The following TAMM41 variants were observed in gnomAD, a reference collection of about 807,000 sequenced individuals.
TAMM41 encodes phosphatidate cytidylyltransferase, mitochondrial.
Under a neutral mutation model 44.1 loss-of-function variants are expected in TAMM41, and 36 were observed. The ratio of observed to expected loss-of-function variants is 0.82; its 90% CI spans 0.63 to 1.08. The LOEUF is 1.08. Ranked by LOEUF, TAMM41 falls within the 50% of genes least tolerant of loss-of-function variation. The probability of loss-of-function intolerance (pLI) is 0.00; values close to 1 mark genes in which losing one functional copy is unlikely to be tolerated. For missense variants in TAMM41, 417 were observed against 404.3 expected (o/e 1.03, Z -0.27); for synonymous variants, 164 against 153.1 (o/e 1.07, Z -0.53).
intron 4 of TAMM41, among the ~76,000 whole-genome samples, chr3:11,817,857 A>G (rs17035309): frequency 0.017 from 2,665 of 152,364 alleles, 78 homozygotes; most frequent in African/African-American, 0.06. Flanking sequence ...GGAGGTTTGC[A>G]TTTAAGATGA....
chr3:11,806,468 G>C (rs189233629), intron 7 of TAMM41, among the ~76,000 whole-genome samples: 124 of 142,902 alleles, frequency 8.7e-4, no homozygotes, highest in African/African-American at 2.5e-3. Context: ...AGCAAGAAAA[G>C]AGAGAGTTCC....
At chr3:11,813,257 C>T (rs1279722537) in intron 5 of TAMM41, among the ~76,000 whole-genome samples, 2 of 152,122 alleles carry the variant, frequency 1.3e-5, no homozygotes, top group Non-Finnish European at 2.9e-5. Context: ...TGGCCAGGTG[C>T]AGTGGCTCAC....
intron 5 of TAMM41, among the ~76,000 whole-genome samples, chr3:11,814,501 C>T (rs561544723): frequency 1.1e-4 from 16 of 145,636 alleles, no homozygotes; most frequent in African/African-American, 3.8e-4. Flanking sequence ...AACGAAGAGA[C>T]GAGAGAGAGA....
chr3:11,760,343 C>T, the TAMM41 span, among the ~76,000 whole-genome samples: 3 of 152,206 alleles, frequency 2.0e-5, no homozygotes, highest in African/African-American at 4.8e-5. Context: ...TCCTCTTGAG[C>T]TCTCTTCAAG....
At chr3:11,774,872 T>G in the TAMM41 span, among the ~76,000 whole-genome samples, 1 of 149,258 alleles carries the variant, frequency 6.7e-6, no homozygotes. Context: ...TTGAAAGCAT[T>G]TTTTTTTTTT....
the TAMM41 span, among the ~76,000 whole-genome samples, chr3:11,761,960 A>G: frequency 6.6e-6 from 1 of 151,148 alleles, no homozygotes; most frequent in Non-Finnish European, 1.5e-5. Flanking sequence ...AAAAAAAAAA[A>G]AAAAAAGAAA....
At chr3:11,763,024 G>A in the TAMM41 span, among the ~76,000 whole-genome samples, 1 of 152,234 alleles carries the variant, frequency 6.6e-6, no homozygotes, top group Non-Finnish European at 1.5e-5. Context: ...GGCAACAAGA[G>A]TGAAACTCTG....
intron 4 of TAMM41, among the ~76,000 whole-genome samples, chr3:11,827,312 T>G (rs543628974): frequency 1.3e-5 from 2 of 149,532 alleles, no homozygotes; most frequent in Admixed American, 1.3e-4. Context: ...TTCTTTTCTT[T>G]TTTTTTTTTT....
chr3:11,749,236 G>T, the TAMM41 span, among the ~76,000 whole-genome samples: 1 of 151,896 alleles, frequency 6.6e-6, no homozygotes, highest in African/African-American at 2.4e-5. Context: ...TATTGCACTC[G>T]TGTTTACAGT....
chr3:11,742,579 C>A, the TAMM41 span, among the ~76,000 whole-genome samples: 2 of 149,326 alleles, frequency 1.3e-5, no homozygotes, highest in Admixed American at 6.6e-5. Context: ...GTGAACATGC[C>A]CATCGCTTGC....
At chr3:11,821,784 C>G (rs763432957) in intron 4 of TAMM41, among the ~76,000 whole-genome samples, 23 of 152,148 alleles carry the variant, frequency 1.5e-4, no homozygotes, top group African/African-American at 1.9e-4. Context: ...CAGTGAATAT[C>G]TGAGTGGCTA....
intron 1 of TAMM41, among the ~76,000 whole-genome samples, chr3:11,845,582 A>C (rs887163455): frequency 6.6e-6 from 1 of 152,218 alleles, no homozygotes; most frequent in Non-Finnish European, 1.5e-5. Context: ...TTCGGGAAAA[A>C]TAACTAGCCT....
intron 5 of TAMM41, among the ~76,000 whole-genome samples, chr3:11,815,878 C>T (rs1029542065): frequency 6.6e-6 from 1 of 152,168 alleles, no homozygotes; most frequent in Non-Finnish European, 1.5e-5. Flanking sequence ...CTCTGGTAAG[C>T]AGGGCTGAGA....
chr3:11,750,601 C>T, the TAMM41 span, among the ~76,000 whole-genome samples: 4 of 152,250 alleles, frequency 2.6e-5, no homozygotes, highest in East Asian at 5.8e-4. Context: ...TGAGCCACTG[C>T]GCCCAGCTTC....
At chr3:11,739,905 C>T in the TAMM41 span, among the ~76,000 whole-genome samples, 81 of 152,226 alleles carry the variant, frequency 5.3e-4, no homozygotes, top group African/African-American at 1.9e-3. Flanking sequence ...TTATTCACTG[C>T]AGAATCCAGT....
the TAMM41 span, among the ~76,000 whole-genome samples, chr3:11,743,626 C>A: frequency 6.6e-6 from 1 of 152,146 alleles, no homozygotes; most frequent in African/African-American, 2.4e-5. Flanking sequence ...AGCCACCCTG[C>A]CTGGCCCCTA....
the TAMM41 span, among the ~76,000 whole-genome samples, chr3:11,773,335 G>A: frequency 1.3e-5 from 2 of 150,480 alleles, no homozygotes; most frequent in Admixed American, 1.3e-4. Flanking sequence ...AAAAAAGCTA[G>A]TTAATGACTA....
intron 7 of TAMM41, among the ~76,000 whole-genome samples, chr3:11,792,581 A>G (rs1258079412): frequency 6.6e-6 from 1 of 152,246 alleles, no homozygotes; most frequent in Non-Finnish European, 1.5e-5. Context: ...CTAAGAACCA[A>G]CAGATCAGAA....
chr3:11,823,546 T>C (rs2078614817), intron 4 of TAMM41, among the ~76,000 whole-genome samples: 1 of 152,076 alleles, frequency 6.6e-6, no homozygotes, highest in Non-Finnish European at 1.5e-5. Flanking sequence ...CGTGAGCCAC[T>C]GCGCCCGGCC....
Sources: gnomAD v4.1 joint callset for allele counts (sites outside exome capture counted in the v4.1 genomes callset) on GRCh38, gnomAD v4.1.1 for gene constraint, MANE v1.5 for transcripts, NCBI Gene and HGNC (gene_info 2026-07-23, HGNC 2026-07-21) for gene names.